Variants in PXK observed in about 807,000 individuals in gnomAD.
PXK encodes PX domain containing serine/threonine kinase like.
A neutral mutation model predicts 84.7 loss-of-function variants in PXK; 35 were observed. The ratio of observed to expected loss-of-function variants is 0.41; its 90% CI spans 0.32 to 0.55. PXK has a LOEUF of 0.55. PXK is among the 20% of genes least tolerant of loss of function. The pLI is 0.21. For missense variants in PXK, 634 were observed against 699.7 expected (o/e 0.91, Z 1.06); for synonymous variants, 253 against 260.8 (o/e 0.97, Z 0.29).
At chr3:58,391,604 G>A (rs2098632250) in intron 6 of PXK, among the ~76,000 whole-genome samples, 169 bp from the exon 7 acceptor site, 1 of 152,100 alleles carries the variant, frequency 6.6e-6, no homozygotes, top group South Asian at 2.1e-4. Context: ...GTTAAGTCTG[G>A]TATTTTTACA....
In PXK at chr3:58,421,182, T is replaced by C; in HGVS notation, c.1529-3570T>C. ...TAAGTCTGGTGTTACCCTAGTGTGG[T>C]CTCATGGCCACTTGGCCTCCCTTCC... On this transcript the variant is annotated intron_variant, in intron 17 of 17. Coordinates refer to ENST00000356151, the MANE Select transcript of PXK (RefSeq NM_017771.5). This position sits in a 1 kb window ranked among gnomAD's most constrained non-coding sequence, Gnocchi z 5.5. 1.0e-6 allele frequency: 1 copy of C among 985,320 alleles called. No homozygotes were observed. The highest frequency in any genetic ancestry group is 1.2e-6 in the Non-Finnish European group (1 of 829,910). 61.0% of individuals were successfully genotyped at this position (985,320 alleles called of 1,614,324 possible). A position where few individuals can be genotyped will look rare whatever the true frequency, so the allele number is the denominator to read the frequency against.
At chr3:58,341,091 C>G (rs2097721742) in intron 1 of PXK, among the ~76,000 whole-genome samples, 1 of 151,840 alleles carries the variant, frequency 6.6e-6, no homozygotes, top group African/African-American at 2.4e-5. Flanking sequence ...TGACAGTGGC[C>G]CTTCATTTGT....
rs1403163801 is a variant in PXK at position 58,425,333 on chromosome 3, A to AC, written c.*377dup. The AC allele has an allele frequency of 3.9e-5, 8 of 206,512 alleles. No homozygotes were observed. The highest frequency in any genetic ancestry group is 6.0e-5 in the Non-Finnish European group (6 of 100,522). 12.8% of individuals were successfully genotyped at this position (206,512 alleles called of 1,614,324 possible). A position where few individuals can be genotyped will look rare whatever the true frequency, so the allele number is the denominator to read the frequency against. On this transcript the variant is annotated 3_prime_UTR_variant, in exon 18 of 18. Transcript: ENST00000356151. Reference sequence around the variant, plus strand: ...TGGCCTTTGTGTTGCAATCCCTTCTACCCCATCAGACAGCTCCTAGAAACA... The same window carrying AC: ...TGGCCTTTGTGTTGCAATCCCTTCTACCCCCATCAGACAGCTCCTAGAAACA...
At chr3:58,339,816 T>C (rs1200851991) in intron 1 of PXK, among the ~76,000 whole-genome samples, 2 of 149,142 alleles carry the variant, frequency 1.3e-5, no homozygotes, top group Non-Finnish European at 3.0e-5. Context: ...AATATATAGA[T>C]TTTTTTTTCT....
intron 3 of PXK, among the ~76,000 whole-genome samples, 179 bp from the exon 4 acceptor site, chr3:58,382,335 T>A (rs1481405410): frequency 1.3e-5 from 2 of 152,100 alleles, no homozygotes; most frequent in East Asian, 1.9e-4. Flanking sequence ...TAAAATATGC[T>A]TAATACAGTA....
At chr3:58,403,397 T>A (rs906981211) in intron 12 of PXK, among the ~76,000 whole-genome samples, 3 of 152,220 alleles carry the variant, frequency 2.0e-5, no homozygotes, top group Non-Finnish European at 4.4e-5. Flanking sequence ...AAAATTACTT[T>A]CCTGTTAGAT....
intron 7 of PXK, 100 bp downstream of exon 7, chr3:58,391,947 G>A: frequency 9.3e-7 from 1 of 1,080,858 alleles, no homozygotes; most frequent in Non-Finnish European, 1.4e-6. Context: ...AGAATGGGGA[G>A]ATACAGTGGA....
Position 58,333,112 on chromosome 3 carries a change from CG to C in PXK, c.102+25del. 8.9e-7 allele frequency: 1 copy of C among 1,122,334 alleles called. No homozygotes were observed. The highest frequency in any genetic ancestry group is 1.1e-6 in the Non-Finnish European group (1 of 916,210). 69.5% of individuals were successfully genotyped at this position (1,122,334 alleles called of 1,614,324 possible). The stretch of plus-strand genomic sequence containing the variant: ...CACGGTGCGCGGCCCAGCGGGCGGG[CG>C]GGCGGCGTGGGGCGGCCCCGGGCCG... On this transcript the variant is annotated intron_variant, in intron 1 of 17. Coordinates refer to ENST00000356151, the MANE Select transcript of PXK (RefSeq NM_017771.5). The surrounding 1 kb of genome is among the most constrained non-coding windows in gnomAD (Gnocchi z 5.4).
intron 1 of PXK, among the ~76,000 whole-genome samples, chr3:58,336,056 TATATATATATATATA>T (rs1461067184): frequency 1.1e-4 from 6 of 54,256 alleles, no homozygotes; most frequent in South Asian, 1.1e-3. Context: ...TATATATATA[TATATATATATATATA>T]TTTTTTTTTT....
chr3:58,404,711 G>T (rs1322860780), intron 13 of PXK, among the ~76,000 whole-genome samples: 3 of 152,104 alleles, frequency 2.0e-5, no homozygotes, highest in African/African-American at 7.2e-5. Context: ...GTGCGATTTG[G>T]GTAGGAGGAT....
At chr3:58,350,225 T>C (rs1172053936) in intron 1 of PXK, among the ~76,000 whole-genome samples, 1 of 152,216 alleles carries the variant, frequency 6.6e-6, no homozygotes, top group Non-Finnish European at 1.5e-5. Context: ...CTTAACATTT[T>C]GGAGAAAAAA....
intron 9 of PXK, among the ~76,000 whole-genome samples, chr3:58,396,634 C>T (rs935700278): frequency 3.3e-5 from 5 of 152,300 alleles, no homozygotes; most frequent in Admixed American, 2.0e-4. Flanking sequence ...TAGTTCAACC[C>T]CTTTTTCTGA....
chr3:58,382,458 T>G, intron 3 of PXK, 56 bp from the exon 4 acceptor site: 1 of 1,382,030 alleles, frequency 7.2e-7, no homozygotes, highest in Non-Finnish European at 9.5e-7. Context: ...AAGATTTTTG[T>G]GTTGATTCTT....
At chr3:58,417,878 G>C (rs1002694041) in intron 17 of PXK, among the ~76,000 whole-genome samples, 4 of 152,168 alleles carry the variant, frequency 2.6e-5, no homozygotes, top group African/African-American at 9.7e-5. Context: ...GTCTCTCTCT[G>C]TCACCTTGGC....
chr3:58,417,344 G>T (rs564334020), intron 17 of PXK, among the ~76,000 whole-genome samples: 1 of 152,194 alleles, frequency 6.6e-6, no homozygotes, highest in African/African-American at 2.4e-5. Context: ...CTTTCTTTCC[G>T]AAAGCATCGG....
At chr3:58,359,431 T>C (rs1207002041) in intron 1 of PXK, among the ~76,000 whole-genome samples, 1 of 150,562 alleles carries the variant, frequency 6.6e-6, no homozygotes, top group Non-Finnish European at 1.5e-5. Flanking sequence ...CTCGGGAGGC[T>C]GAGGTGGGAG....
chr3:58,334,955 G>C (rs61073751), intron 1 of PXK, among the ~76,000 whole-genome samples: 4,898 of 113,946 alleles, frequency 0.043, 176 homozygotes, highest in African/African-American at 0.14. Context: ...GTGTGTGTGT[G>C]TGTCTGTGTG....
Position 58,397,563 on chromosome 3 carries a change from C to A in PXK, c.985-42C>A, listed in dbSNP as rs73835202. 6,411 of 1,544,448 alleles carry A rather than the reference C, an allele frequency of 4.2e-3. 232 individuals are homozygous for A. In the African/African-American group the frequency reaches 0.075, roughly 18 times the overall value. On this transcript the variant is annotated intron_variant, in intron 10 of 17. Transcript: ENST00000356151. This position sits in a 1 kb window ranked among gnomAD's most constrained non-coding sequence, Gnocchi z 4.7. Reference sequence around the variant, plus strand: ...GGCAGGAGCGCGAGGGTCCACAAAGCCAAAGTGAAGGGTGAACACGCTGCT... The same window carrying A: ...GGCAGGAGCGCGAGGGTCCACAAAGACAAAGTGAAGGGTGAACACGCTGCT...
chr3:58,410,283 A>T, intron 16 of PXK, 124 bp downstream of exon 16: 1 of 641,686 alleles, frequency 1.6e-6, no homozygotes, highest in Non-Finnish European at 2.8e-6. Context: ...GACTACAGAG[A>T]ACAAAATAAC....
Sources: gnomAD v4.1 joint callset for allele counts (sites outside exome capture counted in the v4.1 genomes callset) on GRCh38, gnomAD v4.1.1 for gene constraint, Gnocchi (gnomAD v3.1) non-coding constraint, MANE v1.5 for transcripts, NCBI Gene and HGNC (gene_info 2026-07-23, HGNC 2026-07-21) for gene names.